NFIB: variants seen among roughly 807,000 people sequenced by gnomAD.
The protein encoded by NFIB is nuclear factor 1 B-type.
In NFIB, 11 loss-of-function variants were observed where a neutral mutation model predicts 61.5. The ratio of observed to expected loss-of-function variants is 0.18; its 90% CI spans 0.11 to 0.30. NFIB has a LOEUF of 0.30. Among genes scored for constraint, NFIB ranks in the 10% least tolerant of loss-of-function variants. The pLI, the probability that NFIB is intolerant of heterozygous loss-of-function variation, is 1.00. For missense variants in NFIB, 471 were observed against 608.9 expected (o/e 0.77, Z 2.38); for synonymous variants, 260 against 216.5 (o/e 1.20, Z -1.76).
the NFIB span, among the ~76,000 whole-genome samples, chr9:14,468,318 TAC>T: frequency 1.6e-4 from 25 of 152,338 alleles, no homozygotes; most frequent in African/African-American, 6.0e-4. Flanking sequence ...CTAATTAAGG[TAC>T]ACCTCTTTGC....
At chr9:14,471,941 G>C in the NFIB span, among the ~76,000 whole-genome samples, 14 of 152,244 alleles carry the variant, frequency 9.2e-5, no homozygotes, top group Admixed American at 5.2e-4. Flanking sequence ...CTAGCTACTT[G>C]GCACCCCTCC....
intron 1 of NFIB, among the ~76,000 whole-genome samples, chr9:14,328,543 TAAC>T (rs779212512): frequency 3.7e-4 from 57 of 152,082 alleles, no homozygotes; most frequent in Admixed American, 6.5e-4. Context: ...AATGAACAAT[TAAC>T]AAGATAAAAA....
At chr9:14,128,654 T>C (rs1041410727) in intron 6 of NFIB, among the ~76,000 whole-genome samples, 5 of 147,180 alleles carry the variant, frequency 3.4e-5, no homozygotes, top group South Asian at 4.2e-4. Context: ...GCCAAGATAG[T>C]GTCATTGCAC....
the NFIB span, among the ~76,000 whole-genome samples, chr9:14,446,398 A>G: frequency 6.6e-6 from 1 of 151,982 alleles, no homozygotes; most frequent in Non-Finnish European, 1.5e-5. Context: ...TTCTCATTAC[A>G]CCCCACATGT....
chr9:14,466,918 C>A, the NFIB span, among the ~76,000 whole-genome samples: 1 of 152,100 alleles, frequency 6.6e-6, no homozygotes. Context: ...GAAAACAAGC[C>A]AAGGCTGGGG....
At chr9:14,397,545 C>G (rs1015864523) in intron 1 of NFIB, among the ~76,000 whole-genome samples, 1 of 152,102 alleles carries the variant, frequency 6.6e-6, no homozygotes, top group African/African-American at 2.4e-5. Context: ...CAAAAAGATT[C>G]AGAAATTATT....
the NFIB span, among the ~76,000 whole-genome samples, chr9:14,425,232 C>G: frequency 6.6e-6 from 1 of 152,190 alleles, no homozygotes; most frequent in Non-Finnish European, 1.5e-5. Flanking sequence ...TCTAGTGGTA[C>G]TGCTCTACAG....
intron 1 of NFIB, among the ~76,000 whole-genome samples, chr9:14,332,929 A>C (rs2060839770): frequency 6.6e-6 from 1 of 152,156 alleles, no homozygotes; most frequent in Admixed American, 6.5e-5. Context: ...ATAATTCTAG[A>C]AGTCTTGCAG....
chr9:14,207,760 G>T (rs1387082129), intron 2 of NFIB, among the ~76,000 whole-genome samples: 1 of 152,062 alleles, frequency 6.6e-6, no homozygotes, highest in African/African-American at 2.4e-5. Context: ...TGTTACTACG[G>T]TCTTGGCTGT....
chr9:14,372,086 T>C (rs1041000851), intron 1 of NFIB, among the ~76,000 whole-genome samples: 1 of 151,418 alleles, frequency 6.6e-6, no homozygotes, highest in Non-Finnish European at 1.5e-5. Context: ...GTGCGCACCA[T>C]CTGAATGTCA....
chr9:14,230,434 G>A (rs2052981699), intron 2 of NFIB, among the ~76,000 whole-genome samples: 1 of 152,108 alleles, frequency 6.6e-6, no homozygotes, highest in Admixed American at 6.6e-5. Context: ...CAAAATAAAG[G>A]GCGCTAACAG....
chr9:14,439,928 G>A, the NFIB span, among the ~76,000 whole-genome samples: 1 of 152,222 alleles, frequency 6.6e-6, no homozygotes, highest in Non-Finnish European at 1.5e-5. Flanking sequence ...AATTTCGTCA[G>A]GAGCTAAGTA....
At chr9:14,245,734 G>A (rs557773610) in intron 2 of NFIB, among the ~76,000 whole-genome samples, 2 of 151,966 alleles carry the variant, frequency 1.3e-5, no homozygotes, top group East Asian at 1.9e-4. Context: ...TCAGCAGGGC[G>A]TTGTAATGCA....
chr9:14,112,412 A>C (rs530018488), intron 10 of NFIB, among the ~76,000 whole-genome samples: 93 of 152,344 alleles, frequency 6.1e-4, no homozygotes, highest in Non-Finnish European at 1.1e-3. Flanking sequence ...TGAGATGTGA[A>C]ATTTAAAATG....
At chr9:14,482,514 T>C in the NFIB span, among the ~76,000 whole-genome samples, 2 of 152,196 alleles carry the variant, frequency 1.3e-5, no homozygotes, top group South Asian at 4.1e-4. Context: ...ATTATTTAAG[T>C]TCTCTTTTGA....
intron 1 of NFIB, chr9:14,361,440 C>G (rs1162212397): frequency 6.6e-6 from 1 of 152,120 alleles, no homozygotes; most frequent in East Asian, 1.9e-4. Context: ...TCTGTATTTG[C>G]TAGTAGCATT....
rs1006577978 is a variant in NFIB at position 14,083,560 on chromosome 9, C to T, written c.*4749G>A. 11 of 198,476 alleles carry T rather than the reference C, an allele frequency of 5.5e-5. No homozygotes were observed. Among genetic ancestry groups the T allele is most frequent in the African/African-American group, 2.4e-4 (10 of 41,508 alleles). 12.3% of individuals were successfully genotyped at this position (198,476 alleles called of 1,614,324 possible). ...AAAGCATGCAGCTGGTTAATGTTAA[C>T]AAAAGACCTTGACAGGAACATGTAA... On this transcript the variant is annotated 3_prime_UTR_variant, in exon 11 of 11. Transcript: ENST00000380953.
rs182974428 is a variant in NFIB at position 14,166,815 on chromosome 9, G to A, written c.617-10922C>T. 2.6e-5 allele frequency among the ~76,000 whole-genome samples: 4 copies of A among 152,238 alleles called. No individual in the cohort carries two copies. In the East Asian group the frequency reaches 7.7e-4, roughly 29 times the overall value. On this transcript the variant is annotated intron_variant, in intron 3 of 10. Transcript: ENST00000380953. ...TGCTTTTTTCCACAGTATCAGTGCTGTTTCTTACTCCTCCGATGCAATTTT... is the reference window on the plus strand; with the variant it reads ...TGCTTTTTTCCACAGTATCAGTGCTATTTCTTACTCCTCCGATGCAATTTT...
chr9:14,120,776 T>A lies in NFIB; in HGVS notation c.1061-152A>T, dbSNP rs960383733. ...AAGCTCTCCTAAATCAACAGTTACTTTTTCATTTTTATTCTCAACACCAGT... is the reference window on the plus strand; with the variant it reads ...AAGCTCTCCTAAATCAACAGTTACTATTTCATTTTTATTCTCAACACCAGT... On this transcript the variant is annotated intron_variant, in intron 7 of 10. Transcript: ENST00000380953. This position sits in a 1 kb window ranked among gnomAD's most constrained non-coding sequence, Gnocchi z 4.4. 1.4e-6 allele frequency: 1 copy of A among 738,456 alleles called. No homozygotes were observed. The highest frequency in any genetic ancestry group is 2.1e-6 in the Non-Finnish European group (1 of 466,294). 45.7% of individuals were successfully genotyped at this position (738,456 alleles called of 1,614,324 possible). A position where few individuals can be genotyped will look rare whatever the true frequency, so the allele number is the denominator to read the frequency against.
Sources: gnomAD v4.1 joint callset for allele counts (sites outside exome capture counted in the v4.1 genomes callset) on GRCh38, gnomAD v4.1.1 for gene constraint, Gnocchi (gnomAD v3.1) non-coding constraint, MANE v1.5 for transcripts, NCBI Gene and HGNC (gene_info 2026-07-23, HGNC 2026-07-21) for gene names.